The following NTRK2 variants were observed in gnomAD, a reference collection of about 807,000 sequenced individuals.
NTRK2 encodes the protein BDNF/NT-3 growth factors receptor.
In NTRK2, 13 loss-of-function variants were observed where a neutral mutation model predicts 94.5. The observed-to-expected ratio is 0.14, with a 90% CI of 0.09 to 0.22. The LOEUF (loss-of-function observed/expected upper bound fraction) is 0.22, where lower values mean the gene tolerates loss of function less well. NTRK2 is among the 10% of genes least tolerant of loss of function. The pLI is 1.00. For synonymous variants in NTRK2, 372 were observed against 407.4 expected (o/e 0.91, Z 1.05); for missense variants, 639 against 1,071.2 (o/e 0.60, Z 5.63).
rs776923294 is a variant in NTRK2 at position 84,750,143 on chromosome 9, G to T, written c.1297-1843G>T. On this transcript the variant is annotated intron_variant, in intron 11 of 18. Coordinates refer to ENST00000277120, the MANE Select transcript of NTRK2 (RefSeq NM_006180.6). ...GGATAAATAATCCTTTGTTTGGGGG[G>T]CTGTCTTGGGCACAGTAGGATGTTA... 4.3e-4 allele frequency among the ~76,000 whole-genome samples: 65 copies of T among 152,284 alleles called. 1 individual carries two copies. Among genetic ancestry groups the T allele is most frequent in the Non-Finnish European group, 6.3e-4 (43 of 68,024 alleles).
At chr9:84,830,481 G>A (rs1403519671) in intron 12 of NTRK2, among the ~76,000 whole-genome samples, 1 of 151,962 alleles carries the variant, frequency 6.6e-6, no homozygotes, top group Non-Finnish European at 1.5e-5. Context: ...CTTTAGAGCA[G>A]CCTAAGGGTG....
At chr9:84,981,400 C>T (rs1260691298) in intron 17 of NTRK2, among the ~76,000 whole-genome samples, 1 of 152,108 alleles carries the variant, frequency 6.6e-6, no homozygotes, top group Non-Finnish European at 1.5e-5. Context: ...CCACACCTGG[C>T]CTCAACATTT....
At chr9:84,853,520 T>C (rs1241846309) in intron 12 of NTRK2, among the ~76,000 whole-genome samples, 2 of 152,262 alleles carry the variant, frequency 1.3e-5, no homozygotes, top group Admixed American at 6.5e-5. Flanking sequence ...TAATGGTTTT[T>C]ATGTTGTATG....
intron 17 of NTRK2, among the ~76,000 whole-genome samples, chr9:85,013,491 CG>C (rs1283487312): frequency 2.6e-5 from 4 of 152,062 alleles, no homozygotes; most frequent in Non-Finnish European, 5.9e-5. Context: ...TTAGTAGAGA[CG>C]GGGTTTCACC....
intron 12 of NTRK2, among the ~76,000 whole-genome samples, chr9:84,776,590 TTA>T (rs2067067837): frequency 6.6e-6 from 1 of 152,212 alleles, no homozygotes; most frequent in Non-Finnish European, 1.5e-5. Context: ...AGCTAACAAG[TTA>T]GCCTGCCATG....
At chr9:84,730,776 C>CAAAAAAAAAAAAAAA (rs2062814391) in intron 9 of NTRK2, among the ~76,000 whole-genome samples, 1 of 6,860 alleles carries the variant, frequency 1.5e-4, no homozygotes, top group South Asian at 5.3e-3. Context: ...GAAAAATAAA[C>CAAAAAAAAAAAAAAA]AAATAGCAAA....
intron 14 of NTRK2, among the ~76,000 whole-genome samples, chr9:84,896,604 T>C (rs1344449193): frequency 6.6e-6 from 1 of 152,188 alleles, no homozygotes; most frequent in Admixed American, 6.5e-5. Context: ...ACTGGCAGAG[T>C]GTAAGTGCAT....
At chr9:84,782,318 A>C (rs1217407908) in intron 12 of NTRK2, among the ~76,000 whole-genome samples, 1 of 152,176 alleles carries the variant, frequency 6.6e-6, no homozygotes, top group Non-Finnish European at 1.5e-5. Context: ...ACTTTGGAAA[A>C]CCATTTAAAA....
At chr9:84,913,605 T>C (rs2077308817) in intron 14 of NTRK2, among the ~76,000 whole-genome samples, 2 of 152,204 alleles carry the variant, frequency 1.3e-5, no homozygotes, top group African/African-American at 4.8e-5. Context: ...TAAGGTGTGG[T>C]ACTTTCCTCT....
At position 84,850,898 on chromosome 9, in the gene NTRK2, G is replaced by A. The variant is rs370780837; in HGVS notation, c.1397-10142G>A. Among the ~76,000 whole-genome samples the A allele has an allele frequency of 1.2e-3, 180 of 152,256 alleles. 2 individuals are homozygous for A. Among genetic ancestry groups the A allele is most frequent in the African/African-American group, 3.3e-3 (137 of 41,556 alleles). On this transcript the variant is annotated intron_variant, in intron 12 of 18. Transcript: ENST00000277120. Reference sequence around the variant, plus strand: ...GGAGGAGAACATTAAAATAATGTGGGAGAAGACCAAACTGCTGTAGTGACC... The same window carrying A: ...GGAGGAGAACATTAAAATAATGTGGAAGAAGACCAAACTGCTGTAGTGACC...
At chr9:84,824,961 A>G (rs2073090204) in intron 12 of NTRK2, among the ~76,000 whole-genome samples, 1 of 151,430 alleles carries the variant, frequency 6.6e-6, no homozygotes, top group South Asian at 2.1e-4. Flanking sequence ...ACACCTCTGG[A>G]TTTTGTGGGT....
chr9:84,844,399 CAG>C (rs2074353306), intron 12 of NTRK2, among the ~76,000 whole-genome samples: 1 of 152,078 alleles, frequency 6.6e-6, no homozygotes, highest in Admixed American at 6.5e-5. Flanking sequence ...CAGAATAAGT[CAG>C]AGAATTTTTG....
chr9:84,976,495 C>T (rs912308726), intron 17 of NTRK2, among the ~76,000 whole-genome samples: 7 of 152,124 alleles, frequency 4.6e-5, no homozygotes, highest in African/African-American at 7.2e-5. Flanking sequence ...AATTTAGAGT[C>T]GACACTGAAT....
intron 17 of NTRK2, among the ~76,000 whole-genome samples, chr9:84,959,203 G>C (rs1389061769): frequency 8.5e-5 from 13 of 152,160 alleles, no homozygotes; most frequent in Admixed American, 8.5e-4. Context: ...GTGAGAAGCT[G>C]CTTTAGCTGA....
At chr9:84,916,156 A>G (rs940787007) in intron 14 of NTRK2, among the ~76,000 whole-genome samples, 1 of 151,868 alleles carries the variant, frequency 6.6e-6, no homozygotes, top group Non-Finnish European at 1.5e-5. Flanking sequence ...TCATAGCAAC[A>G]GAAGTAGTTT....
chr9:84,953,945 G>A (rs931561057), intron 16 of NTRK2, among the ~76,000 whole-genome samples: 1 of 152,214 alleles, frequency 6.6e-6, no homozygotes, highest in African/African-American at 2.4e-5. Context: ...GACAGTCACT[G>A]TAGGCTGGAG....
intron 17 of NTRK2, among the ~76,000 whole-genome samples, chr9:84,990,149 T>A (rs1588130230): frequency 9.8e-6 from 1 of 101,602 alleles, no homozygotes; most frequent in Non-Finnish European, 2.2e-5. Flanking sequence ...TGCTATTATC[T>A]CCAATAGTCT....
intron 12 of NTRK2, among the ~76,000 whole-genome samples, chr9:84,776,862 T>C (rs56284394): frequency 0.049 from 7,393 of 152,236 alleles, 230 homozygotes; most frequent in African/African-American, 0.071. Context: ...TGGAGACACT[T>C]TATTTTGGAA....
intron 2 of NTRK2, among the ~76,000 whole-genome samples, chr9:84,687,559 G>T (rs1222751478): frequency 6.6e-6 from 1 of 152,060 alleles, no homozygotes; most frequent in Non-Finnish European, 1.5e-5. Flanking sequence ...GAATCCATGT[G>T]GTCATTACCA....
Sources: gnomAD v4.1 joint callset for allele counts (sites outside exome capture counted in the v4.1 genomes callset) on GRCh38, gnomAD v4.1.1 for gene constraint, MANE v1.5 for transcripts, NCBI Gene and HGNC (gene_info 2026-07-23, HGNC 2026-07-21) for gene names.